Variants in TRANK1 observed in about 807,000 individuals in gnomAD.
The protein encoded by TRANK1 is tetratricopeptide repeat and ankyrin repeat containing 1.
Under a neutral mutation model 266.0 loss-of-function variants are expected in TRANK1, and 198 were observed. That is an observed-to-expected ratio of 0.74 (90% confidence interval 0.66 to 0.84). The LOEUF (loss-of-function observed/expected upper bound fraction) is 0.84. Among genes scored for constraint, TRANK1 ranks in the 40% least tolerant of loss-of-function variants. TRANK1 has a pLI of 0.00. For missense variants in TRANK1, 3,326 were observed against 3,634.6 expected, an observed-to-expected ratio of 0.92 and a Z score of 2.18; for synonymous variants, 1,396 against 1,384.1, an observed-to-expected ratio of 1.01 and a Z score of -0.19.
At chr3:36,830,792 C>T (rs1393214016) in intron 22 of TRANK1, 81 bp downstream of exon 22, 18 of 1,437,946 alleles carry the variant, frequency 1.3e-5, no homozygotes, top group Admixed American at 2.6e-5. Flanking sequence ...TCAGAAGCCA[C>T]GACAAGGAAT....
intron 15 of TRANK1, among the ~76,000 whole-genome samples, chr3:36,849,740 C>T (rs1158792795): frequency 6.6e-6 from 1 of 152,204 alleles, no homozygotes; most frequent in Non-Finnish European, 1.5e-5. Context: ...TTTATGAAAG[C>T]GTTTCCTCTC....
intron 13 of TRANK1, among the ~76,000 whole-genome samples, chr3:36,853,438 G>C (rs1338647134): frequency 6.6e-6 from 1 of 152,180 alleles, no homozygotes; most frequent in Non-Finnish European, 1.5e-5. Context: ...CAATACTGTT[G>C]TTATTAAAAG....
intron 1 of TRANK1, among the ~76,000 whole-genome samples, chr3:36,933,039 T>G (rs961368970): frequency 6.6e-6 from 1 of 152,200 alleles, no homozygotes; most frequent in Non-Finnish European, 1.5e-5. Flanking sequence ...TTTTCTTCCT[T>G]TCTGTCTTTG....
rs1279223009 is a variant in TRANK1 at position 36,945,028 on chromosome 3, G to A, written c.-219C>T. On this transcript the variant is annotated 5_prime_UTR_variant, in exon 1 of 24. Transcript: ENST00000645898. ...GGGGACGCAGGAACCCCGGCGTCCG[G>A]GCGGTGTGCAGCCGCAGACCTATTC... 1 of 474,246 alleles carries A rather than the reference G, an allele frequency of 2.1e-6. No homozygotes were observed. The highest frequency in any genetic ancestry group is 2.1e-5 in the African/African-American group (1 of 48,650). 29.4% of individuals were successfully genotyped at this position (474,246 alleles called of 1,614,324 possible).
At chr3:36,834,670 A>T (rs1329459137) in intron 21 of TRANK1, 92 bp downstream of exon 21, 1 of 1,438,366 alleles carries the variant, frequency 7.0e-7, no homozygotes, top group South Asian at 1.4e-5. Flanking sequence ...AAACCATGTC[A>T]GAAGCAGCAG....
chr3:36,855,622 C>T lies in TRANK1; in HGVS notation c.4100G>A (p.Arg1367Lys). Residue 1367 changes from arginine to lysine, a missense_variant, in exon 13 of 24, where the codon AGA (arginine) becomes AAA (lysine). Transcript: ENST00000645898. ...TTTCTTATATACTTCTTCAGTGAGT[C>T]TCCCATGGGGACAGCTGAGGGCCTC... is the stretch of plus-strand genomic sequence containing the variant. ...SFEALSCPHGRLTEEVYKKLG... is the reference protein window; with the variant it reads ...SFEALSCPHGKLTEEVYKKLG... 1 of 1,613,900 alleles carries T rather than the reference C, an allele frequency of 6.2e-7. No homozygotes were observed. The highest frequency in any genetic ancestry group is 8.5e-7 in the Non-Finnish European group (1 of 1,179,854).
intron 8 of TRANK1, among the ~76,000 whole-genome samples, chr3:36,878,928 T>G (rs940450644): frequency 7.2e-5 from 11 of 152,104 alleles, no homozygotes; most frequent in Non-Finnish European, 1.6e-4. Context: ...ACAATAAAAT[T>G]TTTCTTTAAG....
chr3:36,865,937 A>T (rs1216357496), intron 9 of TRANK1, among the ~76,000 whole-genome samples: 2 of 146,480 alleles, frequency 1.4e-5, no homozygotes, highest in Non-Finnish European at 3.1e-5. Flanking sequence ...TCAAAAGAAA[A>T]AAAAGAGAGA....
At chr3:36,851,926 G>T in intron 14 of TRANK1, 70 bp from the exon 15 acceptor site, 1 of 1,496,190 alleles carries the variant, frequency 6.7e-7, no homozygotes, top group Non-Finnish European at 8.9e-7. Flanking sequence ...ATTTCTATGG[G>T]AGATAGGTAA....
chr3:36,919,962 A>G (rs1036586614), intron 1 of TRANK1, among the ~76,000 whole-genome samples: 2 of 152,204 alleles, frequency 1.3e-5, no homozygotes, highest in South Asian at 2.1e-4. Flanking sequence ...CTAGATGACA[A>G]TATGCCAGGC....
intron 1 of TRANK1, among the ~76,000 whole-genome samples, chr3:36,914,707 G>A (rs978922458): frequency 2.0e-5 from 3 of 146,978 alleles, no homozygotes; most frequent in South Asian, 2.2e-4. Context: ...GCGCGATCTC[G>A]GCTCACTGCA....
chr3:36,876,023 T>G (rs1179721322), intron 8 of TRANK1, among the ~76,000 whole-genome samples: 1 of 152,232 alleles, frequency 6.6e-6, no homozygotes, highest in African/African-American at 2.4e-5. Context: ...CTTAAATACA[T>G]GCAGAGAGGT....
At chr3:36,836,037 CAGA>C (rs1312382752) in intron 20 of TRANK1, among the ~76,000 whole-genome samples, 2 of 152,130 alleles carry the variant, frequency 1.3e-5, no homozygotes, top group Non-Finnish European at 2.9e-5. Context: ...TACTGACAAT[CAGA>C]AGAATACAAA....
chr3:36,853,754 A>C (rs1022416511), intron 13 of TRANK1, among the ~76,000 whole-genome samples: 13 of 152,256 alleles, frequency 8.5e-5, no homozygotes, highest in South Asian at 2.1e-4. Flanking sequence ...GAGTGAAAGA[A>C]ACCAGACACA....
chr3:36,930,147 T>A (rs1348165447), intron 1 of TRANK1, among the ~76,000 whole-genome samples: 2 of 152,226 alleles, frequency 1.3e-5, no homozygotes, highest in Non-Finnish European at 2.9e-5. Flanking sequence ...GTGCTGGGAT[T>A]ATAGGCATGA....
At position 36,860,878 on chromosome 3, in the gene TRANK1, C is replaced by T. The variant is rs186231073; in HGVS notation, c.1495+28G>A. On this transcript the variant is annotated intron_variant, in intron 11 of 23. Coordinates refer to ENST00000645898, the MANE Select transcript of TRANK1 (RefSeq NM_001329998.2). ...TCACGTGGAGAATGTGGACAAGTCT[C>T]CAACGCTTAGCATCCAGTCACTCTC... 1.7e-4 allele frequency: 267 copies of T among 1,535,888 alleles called. 2 individuals carry two copies. The East Asian group carries it at 6.4e-3, about 37-fold the overall frequency.
At chr3:36,842,255 CA>C (rs2078854165) in intron 18 of TRANK1, among the ~76,000 whole-genome samples, 1 of 152,168 alleles carries the variant, frequency 6.6e-6, no homozygotes, top group South Asian at 2.1e-4. Flanking sequence ...AATGAAAGAT[CA>C]AATGAAAGAT....
intron 22 of TRANK1, among the ~76,000 whole-genome samples, chr3:36,830,233 T>C (rs1434003587): frequency 6.6e-6 from 1 of 152,040 alleles, no homozygotes; most frequent in African/African-American, 2.4e-5. Flanking sequence ...GTGAATCATT[T>C]GAACCCAGGA....
rs1490148590 is a variant in TRANK1, at chr3:36,831,186, G to A, written c.8397C>T (p.Val2799=). 1 of 1,613,950 alleles carries A rather than the reference G, an allele frequency of 6.2e-7. No homozygotes were observed. Among genetic ancestry groups the A allele is most frequent in the Non-Finnish European group, 8.5e-7 (1 of 1,179,888 alleles). The change falls in exon 22 of 24, where the codon GTC becomes GTT. Residue 2799 remains valine, a synonymous_variant. Transcript: ENST00000645898. The surrounding 1 kb of genome is among the most constrained non-coding windows in gnomAD (Gnocchi z 5.0). ...AFEGAASEVA[V]LSRAELEREE... ...CCCTTTCCAGCTCAGCCCTGGAAAG[G>A]ACTGCCACCTCGGAAGCTGCCCCCT...
Sources: allele counts gnomAD v4.1 joint callset (sites outside exome capture counted in the v4.1 genomes callset), GRCh38; gene constraint gnomAD v4.1.1; non-coding constraint Gnocchi (gnomAD v3.1); transcripts MANE v1.5; gene names NCBI Gene and HGNC (gene_info 2026-07-23, HGNC 2026-07-21).